The following BCKDHB variants were observed in gnomAD, a reference collection of about 807,000 sequenced individuals.
The protein encoded by BCKDHB is branched chain keto acid dehydrogenase E1 subunit beta.
Under a neutral mutation model 48.5 loss-of-function variants are expected in BCKDHB, and 41 were observed. The ratio of observed to expected loss-of-function variants is 0.85; its 90% CI spans 0.66 to 1.10. The LOEUF is 1.10. Among genes scored for constraint, BCKDHB ranks in the 50% least tolerant of loss-of-function variants. The probability of loss-of-function intolerance (pLI) is 0.00; values close to 1 mark genes in which losing one functional copy is unlikely to be tolerated. For missense variants in BCKDHB, 496 were observed against 494.2 expected, an observed-to-expected ratio of 1.00 and a Z score of -0.03; for synonymous variants, 201 against 174.8, an observed-to-expected ratio of 1.15 and a Z score of -1.18.
intron 8 of BCKDHB, among the ~76,000 whole-genome samples, chr6:80,256,870 A>G (rs894980137): frequency 2.6e-5 from 4 of 152,200 alleles, no homozygotes; most frequent in African/African-American, 9.6e-5. Context: ...ATGGCAACAT[A>G]TGGTTCAAAA....
At position 80,334,837 on chromosome 6, in the gene BCKDHB, A is replaced by T. The variant is rs550291542; in HGVS notation, c.1039-8827A>T. Reference sequence around the variant, plus strand: ...AAAAGCAGTAAAATAAAACTGTTTTATCAAAAGATTACAATTTGTAAAATA... The same window carrying T: ...AAAAGCAGTAAAATAAAACTGTTTTTTCAAAAGATTACAATTTGTAAAATA... On this transcript the variant is annotated intron_variant, in intron 9 of 9. Transcript: ENST00000320393. 3.9e-5 allele frequency among the ~76,000 whole-genome samples: 6 copies of T among 152,132 alleles called. No homozygotes were observed. The East Asian group carries it at 1.2e-3, about 29-fold the overall frequency.
the BCKDHB span, among the ~76,000 whole-genome samples, chr6:80,434,220 T>C: frequency 6.6e-6 from 1 of 152,064 alleles, no homozygotes; most frequent in Non-Finnish European, 1.5e-5. Context: ...TTTCTTCATC[T>C]CGTTTGAGCC....
intron 8 of BCKDHB, among the ~76,000 whole-genome samples, chr6:80,234,833 A>G (rs539119537): frequency 6.6e-6 from 1 of 151,842 alleles, no homozygotes; most frequent in East Asian, 1.9e-4. Flanking sequence ...AATGTTTTAT[A>G]TATATATATA....
At chr6:80,426,260 T>A in the BCKDHB span, among the ~76,000 whole-genome samples, 1 of 152,190 alleles carries the variant, frequency 6.6e-6, no homozygotes, top group Non-Finnish European at 1.5e-5. Flanking sequence ...CATTTGGCTA[T>A]CTTGGGCTGG....
intron 9 of BCKDHB, among the ~76,000 whole-genome samples, chr6:80,309,882 G>C (rs1768068046): frequency 6.6e-6 from 1 of 152,128 alleles, no homozygotes; most frequent in Non-Finnish European, 1.5e-5. Context: ...GTAGGCCTCA[G>C]TGGTTTGCTG....
chr6:80,356,958 C>CA, the BCKDHB span: 1 of 120,614 alleles, frequency 8.3e-6, no homozygotes, highest in Non-Finnish European at 1.7e-5. Context: ...CCCCGCCCCC[C>CA]CCCCACACAC....
rs192352564 is a variant in BCKDHB at position 80,156,955 on chromosome 6, G to T, written c.344-10723G>T. The stretch of plus-strand genomic sequence containing the variant: ...GTTTTGGCTTTGTCTTTTTATCAGG[G>T]TAATAAATGCTAAGTTTTGTTTTGT... On this transcript the variant is annotated intron_variant, in intron 3 of 9. Coordinates refer to ENST00000320393, the MANE Select transcript of BCKDHB (RefSeq NM_183050.4). Among the ~76,000 whole-genome samples, 265 of 152,084 alleles carry T rather than the reference G, an allele frequency of 1.7e-3. 1 individual carries two copies. The highest frequency in any genetic ancestry group is 6.0e-3 in the African/African-American group (251 of 41,508).
the BCKDHB span, among the ~76,000 whole-genome samples, chr6:80,360,350 G>A: frequency 0.01 from 1,545 of 152,206 alleles, 26 homozygotes; most frequent in African/African-American, 0.034. Flanking sequence ...GTCATTATTC[G>A]TTGACATCAT....
chr6:80,129,424 C>T (rs1770516707), intron 3 of BCKDHB, among the ~76,000 whole-genome samples, 195 bp downstream of exon 3: 1 of 152,112 alleles, frequency 6.6e-6, no homozygotes, highest in Non-Finnish European at 1.5e-5. Flanking sequence ...TGATCTAGTT[C>T]ATATTACACA....
At chr6:80,113,321 GC>G (rs1389224817) in intron 1 of BCKDHB, among the ~76,000 whole-genome samples, 1 of 152,220 alleles carries the variant, frequency 6.6e-6, no homozygotes, top group Non-Finnish European at 1.5e-5. Flanking sequence ...AGTGGCCCTG[GC>G]CAGTTGCCCA....
the BCKDHB span, among the ~76,000 whole-genome samples, chr6:80,448,521 A>G: frequency 6.6e-6 from 1 of 152,114 alleles, no homozygotes; most frequent in Non-Finnish European, 1.5e-5. Context: ...GCAAATTGGA[A>G]GGATCCAGGA....
chr6:80,432,127 T>G, the BCKDHB span, among the ~76,000 whole-genome samples: 1 of 152,172 alleles, frequency 6.6e-6, no homozygotes, highest in African/African-American at 2.4e-5. Flanking sequence ...CCCTTAATAT[T>G]TTTTCCTTCA....
At chr6:80,370,485 T>G in the BCKDHB span, among the ~76,000 whole-genome samples, 3 of 152,134 alleles carry the variant, frequency 2.0e-5, no homozygotes, top group Admixed American at 2.0e-4. Context: ...TTATGAGATT[T>G]TGGTGCACCC....
intron 3 of BCKDHB, among the ~76,000 whole-genome samples, chr6:80,134,068 T>G (rs757897914): frequency 6.6e-6 from 1 of 152,186 alleles, no homozygotes; most frequent in Non-Finnish European, 1.5e-5. Flanking sequence ...TGTGTGTTAT[T>G]AAAATAAGAT....
At chr6:80,249,629 G>T (rs1183527988) in intron 8 of BCKDHB, among the ~76,000 whole-genome samples, 1 of 152,140 alleles carries the variant, frequency 6.6e-6, no homozygotes, top group African/African-American at 2.4e-5. Flanking sequence ...TACATTTTAA[G>T]GCAGACCATC....
intron 1 of BCKDHB, among the ~76,000 whole-genome samples, chr6:80,107,574 T>C (rs1157598218): frequency 1.5e-4 from 21 of 137,098 alleles, no homozygotes; most frequent in African/African-American, 4.9e-4. Flanking sequence ...TATATGCATA[T>C]ATGTATATAT....
the BCKDHB span, among the ~76,000 whole-genome samples, chr6:80,415,453 C>G: frequency 1.3e-5 from 2 of 152,030 alleles, no homozygotes; most frequent in African/African-American, 2.4e-5. Context: ...TGTTAAATAC[C>G]TAATAAATTC....
chr6:80,313,324 C>A (rs1050764535), intron 9 of BCKDHB, among the ~76,000 whole-genome samples: 1 of 151,940 alleles, frequency 6.6e-6, no homozygotes, highest in Non-Finnish European at 1.5e-5. Flanking sequence ...TGAATCTTCT[C>A]TCTTTTTTTC....
intron 8 of BCKDHB, among the ~76,000 whole-genome samples, chr6:80,208,134 C>T (rs556704519): frequency 6.6e-6 from 1 of 151,740 alleles, no homozygotes; most frequent in Non-Finnish European, 1.5e-5. Flanking sequence ...AGATTATGTT[C>T]TCTAACAATA....
Sources: gnomAD v4.1 joint callset for allele counts (sites outside exome capture counted in the v4.1 genomes callset) on GRCh38, gnomAD v4.1.1 for gene constraint, MANE v1.5 for transcripts, NCBI Gene and HGNC (gene_info 2026-07-23, HGNC 2026-07-21) for gene names.